The following IQCJ variants were observed in gnomAD, a reference collection of about 807,000 sequenced individuals.
IQCJ encodes IQ motif containing J.
A neutral mutation model predicts 11.0 loss-of-function variants in IQCJ; 9 were observed. The ratio of observed to expected loss-of-function variants is 0.82; its 90% confidence interval spans 0.49 to 1.43. The LOEUF is 1.43. IQCJ is among the 40% of genes most tolerant of loss of function. The pLI is 0.00. For missense variants in IQCJ, 146 were observed against 133.2 expected, an observed-to-expected ratio of 1.10 and a Z score of -0.47; for synonymous variants, 55 against 51.3, an observed-to-expected ratio of 1.07 and a Z score of -0.31.
intron 2 of IQCJ, among the ~76,000 whole-genome samples, chr3:159,249,311 A>G (rs1215436828): frequency 6.6e-6 from 1 of 152,170 alleles, no homozygotes; most frequent in Non-Finnish European, 1.5e-5. Flanking sequence ...GTGGGTTTCC[A>G]TCTGCCCCAC....
At chr3:159,127,480 C>G (rs1719742328) in intron 1 of IQCJ, among the ~76,000 whole-genome samples, 1 of 152,172 alleles carries the variant, frequency 6.6e-6, no homozygotes, top group Non-Finnish European at 1.5e-5. Context: ...TCAGGAAACT[C>G]TAGTTGTTTT....
At position 159,155,965 on chromosome 3, in the gene IQCJ, T is replaced by G. The variant is rs530193927; in HGVS notation, c.9+86524T>G. 2.0e-5 allele frequency among the ~76,000 whole-genome samples: 3 copies of G among 152,340 alleles called. No individual in the cohort carries two copies. In the East Asian group the frequency reaches 5.8e-4, roughly 29 times the overall value. ...ATTTCTGAGGTAGTGAAATTTGGCT[T>G]TTCTTGCCAGTGTTAAAATTAACCA... On this transcript the variant is annotated intron_variant, in intron 1 of 3. Coordinates refer to ENST00000397832, the MANE Select transcript of IQCJ (RefSeq NM_001042706.3).
At chr3:159,167,586 A>G (rs1419541530) in intron 1 of IQCJ, among the ~76,000 whole-genome samples, 1 of 152,208 alleles carries the variant, frequency 6.6e-6, no homozygotes, top group Non-Finnish European at 1.5e-5. Flanking sequence ...ATTTAAGTGG[A>G]CATTTAAAGC....
intron 1 of IQCJ, among the ~76,000 whole-genome samples, chr3:159,159,093 GT>G (rs1299769367): frequency 2.0e-5 from 3 of 152,154 alleles, no homozygotes; most frequent in Non-Finnish European, 1.5e-5. Context: ...CTTTGTTGTA[GT>G]TTTAATAGGA....
intron 1 of IQCJ, among the ~76,000 whole-genome samples, chr3:159,229,047 T>C (rs1183624838): frequency 6.6e-6 from 1 of 152,220 alleles, no homozygotes; most frequent in Non-Finnish European, 1.5e-5. Flanking sequence ...TATAGCCTCA[T>C]CACATGACAA....
At chr3:159,143,565 T>C (rs771463707) in intron 1 of IQCJ, among the ~76,000 whole-genome samples, 5 of 152,172 alleles carry the variant, frequency 3.3e-5, no homozygotes, top group Non-Finnish European at 7.4e-5. Flanking sequence ...GTCATTGTTC[T>C]TCTCAGAGAA....
Position 159,262,791 on chromosome 3 carries a change from G to A in IQCJ, c.*60G>A. 2 of 1,566,090 alleles carry A rather than the reference G, an allele frequency of 1.3e-6. No individual in the cohort carries two copies. Among genetic ancestry groups the A allele is most frequent in the Non-Finnish European group, 1.7e-6 (2 of 1,152,902 alleles). On this transcript the variant is annotated 3_prime_UTR_variant, in exon 4 of 4. Transcript: ENST00000397832. ...GGATGTGAGCAGGTGGTTTGTGACA[G>A]TGAAGATCTATGTAGCTTATTTGCT...
chr3:159,083,090 A>G (rs1716438634), intron 1 of IQCJ, among the ~76,000 whole-genome samples: 1 of 152,168 alleles, frequency 6.6e-6, no homozygotes, highest in African/African-American at 2.4e-5. Context: ...ACTATTCATA[A>G]AAGAAGAAAA....
chr3:159,113,122 T>C (rs1718737514), intron 1 of IQCJ, among the ~76,000 whole-genome samples: 1 of 152,212 alleles, frequency 6.6e-6, no homozygotes, highest in Non-Finnish European at 1.5e-5. Flanking sequence ...TGAAAAACCA[T>C]GCCATGAAGA....
At chr3:159,152,507 G>T (rs1473908325) in intron 1 of IQCJ, among the ~76,000 whole-genome samples, 1 of 152,164 alleles carries the variant, frequency 6.6e-6, no homozygotes, top group Non-Finnish European at 1.5e-5. Context: ...CTAAAGACCT[G>T]GGGTTAAATA....
At chr3:159,145,181 A>G (rs551427455) in intron 1 of IQCJ, among the ~76,000 whole-genome samples, 15 of 152,308 alleles carry the variant, frequency 9.8e-5, no homozygotes, top group African/African-American at 3.6e-4. Context: ...TAGTAGCTGA[A>G]TTGATTTATT....
At chr3:159,210,252 C>T (rs1290665419) in intron 1 of IQCJ, among the ~76,000 whole-genome samples, 1 of 152,150 alleles carries the variant, frequency 6.6e-6, no homozygotes, top group Non-Finnish European at 1.5e-5. Context: ...CAAGGGCCAA[C>T]AATTTGAAAC....
intron 3 of IQCJ, among the ~76,000 whole-genome samples, chr3:159,260,811 TA>T (rs201368036): frequency 1.7e-4 from 25 of 149,136 alleles, no homozygotes; most frequent in Admixed American, 3.4e-4. Context: ...AAGAGTCCTT[TA>T]AAAAAAAAAC....
At chr3:159,085,400 C>A (rs1341643427) in intron 1 of IQCJ, among the ~76,000 whole-genome samples, 10 of 152,102 alleles carry the variant, frequency 6.6e-5, no homozygotes, top group Non-Finnish European at 1.2e-4. Context: ...GTCTTTAAAG[C>A]AGCATGATTT....
intron 1 of IQCJ, among the ~76,000 whole-genome samples, chr3:159,242,423 A>G (rs993909881): frequency 1.3e-5 from 2 of 152,138 alleles, no homozygotes; most frequent in Non-Finnish European, 2.9e-5. Flanking sequence ...GGTCCCAGGT[A>G]CCTTCGGTCT....
In IQCJ at chr3:159,263,336, T is replaced by G. The variant is rs1164300272; in HGVS notation, c.*605T>G. Reference sequence around the variant, plus strand: ...AAGTGTTAGCAGCCAGTAAGAAAATTTAAAAGGTAAAGTAAGCATGCCTAC... The same window carrying G: ...AAGTGTTAGCAGCCAGTAAGAAAATGTAAAAGGTAAAGTAAGCATGCCTAC... On this transcript the variant is annotated 3_prime_UTR_variant, in exon 4 of 4. Transcript: ENST00000397832. 1 of 603,192 alleles carries G rather than the reference T, an allele frequency of 1.7e-6. No individual in the cohort carries two copies. Among genetic ancestry groups the G allele is most frequent in the Non-Finnish European group, 2.1e-6 (1 of 481,308 alleles). The allele number at this position is 603,192 out of a possible 1,614,324, so 37.4% of individuals were successfully genotyped here.
chr3:159,226,227 G>A (rs772008386), intron 1 of IQCJ, among the ~76,000 whole-genome samples: 1 of 152,120 alleles, frequency 6.6e-6, no homozygotes, highest in Non-Finnish European at 1.5e-5. Context: ...CAGAGGTCTG[G>A]GGTGGGCTGA....
chr3:159,145,237 T>G (rs769167805), intron 1 of IQCJ, among the ~76,000 whole-genome samples: 2 of 152,064 alleles, frequency 1.3e-5, no homozygotes, highest in African/African-American at 4.8e-5. Flanking sequence ...AGACAGAAAA[T>G]GAGGGAGAGA....
In IQCJ at chr3:159,150,673, G is replaced by T. The variant is rs115282951; in HGVS notation, c.9+81232G>T. 9.2e-3 allele frequency among the ~76,000 whole-genome samples: 1,403 copies of T among 152,136 alleles called. 26 individuals are homozygous for T. The highest frequency in any genetic ancestry group is 0.032 in the African/African-American group (1,326 of 41,476). On this transcript the variant is annotated intron_variant, in intron 1 of 3. Coordinates refer to ENST00000397832, the MANE Select transcript of IQCJ (RefSeq NM_001042706.3). ...GGTAAGAAACTGCTTGTCCATTTCT[G>T]TACCCTTTGTGTCCTAATGTAGTAC...
Sources: gnomAD v4.1 joint callset for allele counts (sites outside exome capture counted in the v4.1 genomes callset) on GRCh38, gnomAD v4.1.1 for gene constraint, MANE v1.5 for transcripts, NCBI Gene and HGNC (gene_info 2026-07-23, HGNC 2026-07-21) for gene names.